DSCAM: variants seen among roughly 807,000 people sequenced by gnomAD.
DSCAM encodes the protein cell adhesion molecule DSCAM.
DSCAM carries 47 observed loss-of-function variants against 217.7 expected under a neutral mutation model. The ratio of observed to expected loss-of-function variants is 0.22; its 90% CI spans 0.17 to 0.28. The LOEUF (loss-of-function observed/expected upper bound fraction) is 0.28, where lower values mean the gene tolerates loss of function less well. Among genes scored for constraint, DSCAM ranks in the 10% least tolerant of loss-of-function variants. The pLI is 1.00. For missense variants in DSCAM, 2,080 were observed against 2,618.3 expected (o/e 0.79, Z 4.49); for synonymous variants, 1,056 against 1,015.3 (o/e 1.04, Z -0.76).
intron 3 of DSCAM, among the ~76,000 whole-genome samples, chr21:40,551,313 G>A (rs74391247): frequency 6.6e-6 from 1 of 152,312 alleles, no homozygotes; most frequent in Non-Finnish European, 1.5e-5. Flanking sequence ...TGGATTCAAA[G>A]AGTTTCTGAT....
chr21:40,592,658 C>A (rs1357377150), intron 3 of DSCAM, among the ~76,000 whole-genome samples: 2 of 152,186 alleles, frequency 1.3e-5, no homozygotes, highest in Admixed American at 1.3e-4. Flanking sequence ...CAAGTCTTGA[C>A]TTAGATGTCA....
intron 3 of DSCAM, among the ~76,000 whole-genome samples, chr21:40,625,144 G>C (rs949293354): frequency 2.0e-5 from 3 of 151,990 alleles, no homozygotes; most frequent in African/African-American, 7.2e-5. Context: ...TTCTGAAACA[G>C]GAATGAGTAA....
At chr21:40,531,225 G>T (rs2076443990) in intron 3 of DSCAM, among the ~76,000 whole-genome samples, 1 of 152,124 alleles carries the variant, frequency 6.6e-6, no homozygotes, top group Non-Finnish European at 1.5e-5. Context: ...CTTGCCTTTT[G>T]CCTGGAATCT....
At chr21:40,242,265 G>C (rs2073163583) in intron 11 of DSCAM, among the ~76,000 whole-genome samples, 1 of 152,104 alleles carries the variant, frequency 6.6e-6, no homozygotes, top group Non-Finnish European at 1.5e-5. Context: ...AATGTTTTAG[G>C]CTCTGTGGTG....
rs1555910400 is a variant in DSCAM at position 40,369,404 on chromosome 21, G to GTGTA, written c.509-160_509-159insTACA. 5.3e-6 allele frequency: 3 copies of GTGTA among 570,892 alleles called. No homozygotes were observed. In the African/African-American group the frequency reaches 5.7e-5, roughly 11 times the overall value. 35.4% of individuals were successfully genotyped at this position (570,892 alleles called of 1,614,324 possible). On this transcript the variant is annotated intron_variant, in intron 3 of 32. Coordinates refer to ENST00000400454, the MANE Select transcript of DSCAM (RefSeq NM_001389.5). ...CGTCTGCGTGTGTGTGTGTGTGTGT[G>GTGTA]TGTGTGTGTGTGTGTGTCAATTAAG...
At chr21:40,553,231 T>C (rs909530522) in intron 3 of DSCAM, among the ~76,000 whole-genome samples, 2 of 152,270 alleles carry the variant, frequency 1.3e-5, no homozygotes, top group Admixed American at 1.3e-4. Context: ...TTTGTTTATA[T>C]ATTTAAGCAG....
At chr21:40,388,211 CAAT>C (rs1366718768) in intron 3 of DSCAM, among the ~76,000 whole-genome samples, 4 of 152,072 alleles carry the variant, frequency 2.6e-5, no homozygotes, top group Non-Finnish European at 5.9e-5. Context: ...AAATTGTACT[CAAT>C]AATGAGATGC....
chr21:40,321,723 C>T (rs1194449819), intron 8 of DSCAM, among the ~76,000 whole-genome samples: 1 of 151,850 alleles, frequency 6.6e-6, no homozygotes, highest in Non-Finnish European at 1.5e-5. Flanking sequence ...GCTCCAACAC[C>T]TTTAGGATTC....
Position 40,187,944 on chromosome 21 carries a change from T to C in DSCAM, c.2597A>G (p.His866Arg), listed in dbSNP as rs2090913054. Residue 866 changes from histidine to arginine, a missense_variant, in exon 13 of 33, where the codon CAT becomes CGT. Transcript: ENST00000400454. The part of the protein sequence containing the change: ...VREDSGFFSC[H>R]AINSYGEDRG... The stretch of plus-strand genomic sequence containing the variant: ...GTCCTCCCCATAAGAATTAATAGCA[T>C]GGCAGGAAAAGAAACCAGAATCTTC... 6.2e-7 allele frequency: 1 copy of C among 1,613,978 alleles called. No homozygotes were observed. Among genetic ancestry groups the C allele is most frequent in the Non-Finnish European group, 8.5e-7 (1 of 1,180,000 alleles).
chr21:40,356,377 T>C (rs2074693254), intron 4 of DSCAM, among the ~76,000 whole-genome samples: 1 of 123,584 alleles, frequency 8.1e-6, no homozygotes, highest in Non-Finnish European at 1.7e-5. Flanking sequence ...TATGTTATTT[T>C]GCTTGATAGT....
At chr21:40,742,573 G>A (rs986087315) in intron 1 of DSCAM, among the ~76,000 whole-genome samples, 3 of 152,312 alleles carry the variant, frequency 2.0e-5, no homozygotes, top group Non-Finnish European at 2.9e-5. Flanking sequence ...AAGCCACTAC[G>A]TTTGTGATAA....
At chr21:40,618,300 C>T (rs2089432044) in intron 3 of DSCAM, among the ~76,000 whole-genome samples, 1 of 152,206 alleles carries the variant, frequency 6.6e-6, no homozygotes, top group Non-Finnish European at 1.5e-5. Context: ...CACTGATGAG[C>T]TCTCCGTGGT....
chr21:40,573,201 G>C (rs899904685), intron 3 of DSCAM, among the ~76,000 whole-genome samples: 1 of 152,104 alleles, frequency 6.6e-6, no homozygotes, highest in Non-Finnish European at 1.5e-5. Flanking sequence ...AGCCGGGCGC[G>C]GTGGCGGGTG....
At chr21:40,056,909 G>A (rs2837402) in intron 28 of DSCAM, among the ~76,000 whole-genome samples, 116,030 of 152,118 alleles carry the variant, frequency 0.76, 44,642 homozygotes, top group East Asian at 0.93. Context: ...CATTTACCCC[G>A]AGTCCCAGGG....
chr21:40,803,781 A>C (rs1156811685), intron 1 of DSCAM, among the ~76,000 whole-genome samples: 1 of 152,236 alleles, frequency 6.6e-6, no homozygotes, highest in East Asian at 1.9e-4. Flanking sequence ...ATGGGGAAAA[A>C]AAAAACACCT....
intron 16 of DSCAM, among the ~76,000 whole-genome samples, chr21:40,154,167 T>C (rs1420277991): frequency 1.3e-5 from 2 of 151,522 alleles, no homozygotes; most frequent in Admixed American, 6.6e-5. Flanking sequence ...CTCCTTTCTT[T>C]CCTCTCCTTT....
intron 1 of DSCAM, among the ~76,000 whole-genome samples, chr21:40,757,025 TTTTTA>T (rs1386926700): frequency 6.6e-5 from 10 of 152,096 alleles, no homozygotes; most frequent in East Asian, 3.9e-4. Context: ...TTTATTTTTA[TTTTTA>T]TTTTATTTTT....
intron 3 of DSCAM, among the ~76,000 whole-genome samples, chr21:40,555,258 G>A (rs918319018): frequency 6.6e-6 from 1 of 152,102 alleles, no homozygotes; most frequent in Non-Finnish European, 1.5e-5. Context: ...ACACAGGGAA[G>A]AAAAAAGCAC....
intron 1 of DSCAM, among the ~76,000 whole-genome samples, chr21:40,709,357 ATACTTT>A (rs1263447884): frequency 7.2e-5 from 11 of 152,214 alleles, no homozygotes; most frequent in African/African-American, 2.4e-4. Flanking sequence ...ATTTTTTATT[ATACTTT>A]AAGTTCTGGG....
Sources: gnomAD v4.1 joint callset for allele counts (sites outside exome capture counted in the v4.1 genomes callset) on GRCh38, gnomAD v4.1.1 for gene constraint, MANE v1.5 for transcripts, NCBI Gene and HGNC (gene_info 2026-07-23, HGNC 2026-07-21) for gene names.